The following LPAR3 variants were observed in gnomAD, a reference collection of about 807,000 sequenced individuals.
The protein encoded by LPAR3 is lysophosphatidic acid receptor 3, also known as LPA receptor 3.
A neutral mutation model predicts 17.8 loss-of-function variants in LPAR3; 7 were observed. That is an observed-to-expected ratio of 0.39 (90% CI 0.22 to 0.74). LPAR3 has a LOEUF of 0.74. Among genes scored for constraint, LPAR3 ranks in the 30% least tolerant of loss-of-function variants. The probability of loss-of-function intolerance (pLI) is 0.40; values close to 1 mark genes in which losing one functional copy is unlikely to be tolerated. For missense variants in LPAR3, 391 were observed against 453.4 expected (o/e 0.86, Z 1.25); for synonymous variants, 179 against 179.9 (o/e 0.99, Z 0.04).
intron 2 of LPAR3, among the ~76,000 whole-genome samples, chr1:84,831,568 A>G (rs1214993035): frequency 6.6e-6 from 1 of 152,036 alleles, no homozygotes; most frequent in African/African-American, 2.4e-5. Flanking sequence ...TTTACAAAAT[A>G]TTTATTGTTG....
At chr1:84,892,333 C>T (rs551921397) in intron 1 of LPAR3, among the ~76,000 whole-genome samples, 2 of 152,232 alleles carry the variant, frequency 1.3e-5, no homozygotes, top group East Asian at 1.9e-4. Flanking sequence ...TTCCAATATT[C>T]ACAGTCACTC....
chr1:84,832,680 G>A (rs991599966), intron 2 of LPAR3, among the ~76,000 whole-genome samples: 1 of 152,080 alleles, frequency 6.6e-6, no homozygotes, highest in Non-Finnish European at 1.5e-5. Flanking sequence ...CCTTGGTGCC[G>A]TAGTAACAAC....
At chr1:84,826,416 G>A (rs1484428398) in intron 2 of LPAR3, among the ~76,000 whole-genome samples, 1 of 151,752 alleles carries the variant, frequency 6.6e-6, no homozygotes, top group Non-Finnish European at 1.5e-5. Context: ...ATGGTTGACA[G>A]AACTTATTTT....
chr1:84,853,909 T>A (rs1659767648), intron 2 of LPAR3, among the ~76,000 whole-genome samples: 1 of 152,218 alleles, frequency 6.6e-6, no homozygotes, highest in Non-Finnish European at 1.5e-5. Context: ...TGGGCCTGCA[T>A]GGTCTTTTAA....
intron 1 of LPAR3, among the ~76,000 whole-genome samples, chr1:84,877,995 A>T (rs777247299): frequency 4.7e-5 from 7 of 149,570 alleles, no homozygotes; most frequent in Non-Finnish European, 1.0e-4. Flanking sequence ...GATACAGCAG[A>T]AGAAAGCAAG....
chr1:84,848,083 C>G (rs1332439451), intron 2 of LPAR3, among the ~76,000 whole-genome samples: 1 of 152,182 alleles, frequency 6.6e-6, no homozygotes, highest in Non-Finnish European at 1.5e-5. Context: ...CTTTGTGAGT[C>G]TGCCCAGATC....
chr1:84,886,937 T>C (rs1011148359), intron 1 of LPAR3, among the ~76,000 whole-genome samples: 1 of 152,076 alleles, frequency 6.6e-6, no homozygotes, highest in African/African-American at 2.4e-5. Flanking sequence ...TAAAAAACAA[T>C]CGTGAGACTT....
At chr1:84,880,750 T>A (rs2102772066) in intron 1 of LPAR3, among the ~76,000 whole-genome samples, 1 of 152,326 alleles carries the variant, frequency 6.6e-6, no homozygotes, top group East Asian at 1.9e-4. Context: ...GAAGCCACAG[T>A]TTGGCCCAGA....
At chr1:84,863,491 T>A in intron 2 of LPAR3, among the ~76,000 whole-genome samples, 1 of 152,170 alleles carries the variant, frequency 6.6e-6, no homozygotes, top group African/African-American at 2.4e-5. Context: ...GTCTCCTGGG[T>A]TTTCCATCCC....
chr1:84,866,238 G>T, intron 1 of LPAR3, 100 bp from the exon 2 acceptor site: 1 of 862,674 alleles, frequency 1.2e-6, no homozygotes, highest in South Asian at 1.7e-5. Flanking sequence ...CTCCCATCAA[G>T]GGAGTTGAAG....
At chr1:84,836,542 C>G (rs1362979789) in intron 2 of LPAR3, among the ~76,000 whole-genome samples, 1 of 152,108 alleles carries the variant, frequency 6.6e-6, no homozygotes, top group African/African-American at 2.4e-5. Flanking sequence ...CCTTTCTTCT[C>G]AAATATACAT....
chr1:84,818,721 G>A (rs1297290524), intron 2 of LPAR3, among the ~76,000 whole-genome samples: 1 of 152,144 alleles, frequency 6.6e-6, no homozygotes, highest in African/African-American at 2.4e-5. Context: ...CCTCTCTCCT[G>A]TTGAGATAAA....
intron 2 of LPAR3, among the ~76,000 whole-genome samples, chr1:84,846,599 A>G (rs1241428548): frequency 6.6e-6 from 1 of 152,164 alleles, no homozygotes; most frequent in Non-Finnish European, 1.5e-5. Flanking sequence ...TAATATTGGA[A>G]GCACAGTTTG....
At position 84,838,556 on chromosome 1, in the gene LPAR3, C is replaced by T. The variant is rs569715900; in HGVS notation, c.737-24385G>A. ...AGTTATCTCCCTAATCCATCCATTT[C>T]TTTCTAACTATTCTATCCCTCTGAT... is the stretch of plus-strand genomic sequence containing the variant. On this transcript the variant is annotated intron_variant, in intron 2 of 2. Transcript: ENST00000370611. Among the ~76,000 whole-genome samples, 532 of 152,318 alleles carry T rather than the reference C, an allele frequency of 3.5e-3. 5 individuals are homozygous for T. Among genetic ancestry groups the T allele is most frequent in the Middle Eastern group, 0.01 (3 of 294 alleles).
rs539219522 is a variant in LPAR3 at position 84,844,562 on chromosome 1, C to T, written c.736+20823G>A. On this transcript the variant is annotated intron_variant, in intron 2 of 2. Transcript: ENST00000370611. ...GGAATGCTTGGAGATGTATATAAAA[C>T]GACCCTCATTGCAGGGATATTTTAA... Among the ~76,000 whole-genome samples the T allele has an allele frequency of 2.0e-5, 3 of 152,100 alleles. No homozygotes were observed. In the East Asian group the frequency reaches 5.8e-4, roughly 29 times the overall value.
chr1:84,871,541 C>G (rs2102768021), intron 1 of LPAR3, among the ~76,000 whole-genome samples: 1 of 152,274 alleles, frequency 6.6e-6, no homozygotes, highest in Non-Finnish European at 1.5e-5. Flanking sequence ...CTGAGCATAT[C>G]TTCTTTCTCT....
intron 2 of LPAR3, among the ~76,000 whole-genome samples, chr1:84,858,488 A>G (rs1025305114): frequency 1.4e-4 from 21 of 150,960 alleles, no homozygotes; most frequent in Admixed American, 1.3e-4. Context: ...TGTCTCAAAA[A>G]AAAAAAAAAA....
chr1:84,891,281 C>T (rs1161518688), intron 1 of LPAR3, among the ~76,000 whole-genome samples: 1 of 151,940 alleles, frequency 6.6e-6, no homozygotes, highest in African/African-American at 2.4e-5. Flanking sequence ...AAAATTTTTG[C>T]CAAAATGACC....
intron 2 of LPAR3, among the ~76,000 whole-genome samples, chr1:84,828,461 T>A (rs1229455403): frequency 1.3e-5 from 2 of 152,246 alleles, no homozygotes; most frequent in Non-Finnish European, 2.9e-5. Flanking sequence ...TGATGTAATA[T>A]AACACTGTCT....
Sources: gnomAD v4.1 joint callset for allele counts (sites outside exome capture counted in the v4.1 genomes callset) on GRCh38, gnomAD v4.1.1 for gene constraint, MANE v1.5 for transcripts, NCBI Gene and HGNC (gene_info 2026-07-23, HGNC 2026-07-21) for gene names.